Variants in ATP5F1C observed in about 807,000 individuals in gnomAD.
The protein encoded by ATP5F1C is ATP synthase F(1) complex subunit gamma, mitochondrial.
In ATP5F1C, 22 loss-of-function variants were observed where a neutral mutation model predicts 37.4. That is an observed-to-expected ratio of 0.59 (90% CI 0.42 to 0.84). The LOEUF is 0.84. Among genes scored for constraint, ATP5F1C ranks in the 40% least tolerant of loss-of-function variants. ATP5F1C has a pLI of 0.00. For synonymous variants in ATP5F1C, 121 were observed against 128.0 expected (o/e 0.95, Z 0.37); for missense variants, 286 against 362.4 (o/e 0.79, Z 1.71).
intron 4 of ATP5F1C, chr10:7,799,451 C>G (rs542975530): frequency 3.6e-6 from 2 of 557,174 alleles, no homozygotes; most frequent in African/African-American, 1.9e-5. Flanking sequence ...ATGTGAATAT[C>G]AAAAGCTATC....
At chr10:7,797,321 A>T in intron 3 of ATP5F1C, 143 bp downstream of exon 3, 1 of 1,048,884 alleles carries the variant, frequency 9.5e-7, no homozygotes, top group Non-Finnish European at 1.4e-6. Flanking sequence ...CATCCACTTG[A>T]CACGTAATGA....
At chr10:7,789,367 A>G (rs1836118379) in intron 1 of ATP5F1C, among the ~76,000 whole-genome samples, 1 of 152,238 alleles carries the variant, frequency 6.6e-6, no homozygotes, top group Admixed American at 6.5e-5. Context: ...TGATAGTAAT[A>G]TACGAGATTT....
intron 1 of ATP5F1C, among the ~76,000 whole-genome samples, chr10:7,791,030 A>C (rs150982591): frequency 5.9e-5 from 9 of 152,180 alleles, no homozygotes; most frequent in Non-Finnish European, 1.3e-4. Flanking sequence ...GGCTAGGCGC[A>C]GTGGCTCACG....
chr10:7,793,333 G>A (rs1302820627), intron 1 of ATP5F1C, among the ~76,000 whole-genome samples: 1 of 152,052 alleles, frequency 6.6e-6, no homozygotes, highest in African/African-American at 2.4e-5. Flanking sequence ...GGCTGGTCTC[G>A]GAACTCCTGA....
At position 7,788,186 on chromosome 10, in the gene ATP5F1C, C is replaced by T. The variant is rs778045277; in HGVS notation, c.-22C>T. 46 of 1,612,524 alleles carry T rather than the reference C, an allele frequency of 2.9e-5. No homozygotes were observed. Among genetic ancestry groups the T allele is most frequent in the South Asian group, 4.4e-5 (4 of 90,944 alleles). On this transcript the variant is annotated 5_prime_UTR_variant, in exon 1 of 10. Coordinates refer to ENST00000356708, the MANE Select transcript of ATP5F1C (RefSeq NM_001001973.3). ...GCGCGCTGAGGCCTGCCTGACCGACCTTCAGCAGGGCTGTGGCTACCATGT... is the reference window on the plus strand; with the variant it reads ...GCGCGCTGAGGCCTGCCTGACCGACTTTCAGCAGGGCTGTGGCTACCATGT...
intron 9 of ATP5F1C, 95 bp from the exon 10 acceptor site, chr10:7,807,564 C>G: frequency 1.4e-6 from 2 of 1,432,636 alleles, no homozygotes; most frequent in Non-Finnish European, 1.9e-6. Context: ...ATTCAGTTCT[C>G]TGTACCCCAC....
intron 8 of ATP5F1C, among the ~76,000 whole-genome samples, chr10:7,806,105 G>C (rs1836475581): frequency 6.6e-6 from 1 of 152,132 alleles, no homozygotes; most frequent in Non-Finnish European, 1.5e-5. Flanking sequence ...TGAGTATTAA[G>C]TTTTTGCTTC....
Position 7,797,137 on chromosome 10 carries a change from G to A in ATP5F1C, c.182G>A (p.Arg61Lys), listed in dbSNP as rs1836255084. The A allele has an allele frequency of 1.9e-6, 3 of 1,614,056 alleles. No homozygotes were observed. The highest frequency in any genetic ancestry group is 2.5e-6 in the Non-Finnish European group (3 of 1,180,038). ...VAAAKYARAERELKPARIYGL... is the reference protein window; with the variant it reads ...VAAAKYARAEKELKPARIYGL... ...GCAGCAAAATATGCCCGAGCTGAGA[G>A]AGAGCTGAAACCAGCTCGAATATAT... is the stretch of plus-strand genomic sequence containing the variant. The change falls in exon 3 of 10, where the codon AGA becomes AAA. Residue 61 changes from arginine to lysine, a missense_variant. Arg to Lys is a conservative substitution (Grantham distance 26, BLOSUM62 2). Coordinates refer to ENST00000356708, the MANE Select transcript of ATP5F1C (RefSeq NM_001001973.3).
chr10:7,788,597 C>T (rs1484090058), intron 1 of ATP5F1C, among the ~76,000 whole-genome samples: 2 of 152,216 alleles, frequency 1.3e-5, no homozygotes, highest in African/African-American at 2.4e-5. Context: ...TGAGCTTCCA[C>T]TTCCACTGCA....
chr10:7,788,520 G>A (rs1836094484), intron 1 of ATP5F1C, among the ~76,000 whole-genome samples: 1 of 152,234 alleles, frequency 6.6e-6, no homozygotes, highest in African/African-American at 2.4e-5. Context: ...TGGGACCTCG[G>A]GACTGCGGCC....
intron 1 of ATP5F1C, among the ~76,000 whole-genome samples, chr10:7,792,335 T>C (rs1836175915): frequency 6.6e-6 from 1 of 152,172 alleles, no homozygotes. Flanking sequence ...CAGGAAGCCA[T>C]GATCACACCA....
rs191921143 is a variant in ATP5F1C, at chr10:7,798,685, C to T, written c.224-305C>T. On this transcript the variant is annotated intron_variant, in intron 3 of 9. Coordinates refer to ENST00000356708, the MANE Select transcript of ATP5F1C (RefSeq NM_001001973.3). ...TGCTGGGATTACAGACGTGAGCCAC[C>T]GTGCCCAGCCAATTTTTATATTTTT... Among the ~76,000 whole-genome samples, 33 of 151,280 alleles carry T rather than the reference C, an allele frequency of 2.2e-4. 1 individual carries two copies. In the East Asian group the frequency reaches 5.6e-3, roughly 26 times the overall value.
chr10:7,799,993 T>C (rs750804960), intron 5 of ATP5F1C, 34 bp from the exon 6 acceptor site: 141 of 1,607,818 alleles, frequency 8.8e-5, no homozygotes, highest in Non-Finnish European at 1.1e-4. Context: ...TTAAAAATTA[T>C]TTTGAGATTT....
intron 1 of ATP5F1C, among the ~76,000 whole-genome samples, chr10:7,793,557 C>T (rs565825871): frequency 2.6e-5 from 4 of 152,222 alleles, no homozygotes; most frequent in African/African-American, 9.6e-5. Flanking sequence ...GAAATATTTT[C>T]TCCCAGCCTG....
intron 3 of ATP5F1C, among the ~76,000 whole-genome samples, chr10:7,798,400 G>A (rs1027196074): frequency 1.3e-5 from 2 of 151,410 alleles, no homozygotes; most frequent in African/African-American, 4.9e-5. Flanking sequence ...ATCACACCTG[G>A]CTAATTTTTG....
At chr10:7,792,256 C>A (rs976991048) in intron 1 of ATP5F1C, among the ~76,000 whole-genome samples, 12 of 152,162 alleles carry the variant, frequency 7.9e-5, no homozygotes, top group Non-Finnish European at 1.8e-4. Context: ...TAGATTCATT[C>A]TTAAAACCAA....
intron 1 of ATP5F1C, 141 bp downstream of exon 1, chr10:7,788,404 G>A: frequency 8.0e-7 from 1 of 1,251,722 alleles, no homozygotes; most frequent in Non-Finnish European, 1.1e-6. Flanking sequence ...GAGGCGCCGG[G>A]TAGCGGGGGC....
intron 1 of ATP5F1C, among the ~76,000 whole-genome samples, chr10:7,791,661 C>T (rs965591845): frequency 1.3e-5 from 2 of 152,140 alleles, no homozygotes; most frequent in African/African-American, 2.4e-5. Flanking sequence ...GATCTCAGGA[C>T]GTGCAATGAT....
chr10:7,794,547 G>A (rs1836209021), intron 1 of ATP5F1C, among the ~76,000 whole-genome samples: 1 of 149,226 alleles, frequency 6.7e-6, no homozygotes, highest in East Asian at 2.0e-4. Context: ...TTCCTAGTTT[G>A]CTGAGAGACT....
Sources: gnomAD v4.1 joint callset for allele counts (sites outside exome capture counted in the v4.1 genomes callset) on GRCh38, gnomAD v4.1.1 for gene constraint, MANE v1.5 for transcripts, NCBI Gene and HGNC (gene_info 2026-07-23, HGNC 2026-07-21) for gene names.